The following FYN variants were observed in gnomAD, a reference collection of about 807,000 sequenced individuals.
FYN encodes the protein FYN proto-oncogene, Src family tyrosine kinase.
Under a neutral mutation model 70.2 loss-of-function variants are expected in FYN, and 10 were observed. The ratio of observed to expected loss-of-function variants is 0.14; its 90% CI spans 0.09 to 0.24. FYN has a LOEUF of 0.24. Among genes scored for constraint, FYN ranks in the 10% least tolerant of loss-of-function variants. FYN has a pLI of 1.00. For synonymous variants in FYN, 236 were observed against 248.6 expected (o/e 0.95, Z 0.48); for missense variants, 319 against 673.1 (o/e 0.47, Z 5.82).
rs142125198 is a variant in FYN at position 111,767,182 on chromosome 6, T to C, written c.-12+13384A>G. On this transcript the variant is annotated intron_variant, in intron 3 of 13. Coordinates refer to ENST00000354650, the MANE Select transcript of FYN (RefSeq NM_002037.5). Reference sequence around the variant, plus strand: ...TTAAATGACAAAGTAAGTCATGCTATGATCATTTGATCTTTTGACATAGCT... The same window carrying C: ...TTAAATGACAAAGTAAGTCATGCTACGATCATTTGATCTTTTGACATAGCT... Among the ~76,000 whole-genome samples the C allele has an allele frequency of 1.5e-3, 224 of 152,326 alleles. 2 individuals are homozygous for C. Among genetic ancestry groups the C allele is most frequent in the African/African-American group, 5.2e-3 (216 of 41,560 alleles).
intron 9 of FYN, 144 bp downstream of exon 9, chr6:111,699,960 C>G (rs1583326489): frequency 1.1e-5 from 4 of 369,628 alleles, no homozygotes; most frequent in Non-Finnish European, 1.8e-5. Flanking sequence ...AATGTTAAAA[C>G]CAAAACTGAA....
intron 3 of FYN, among the ~76,000 whole-genome samples, chr6:111,736,721 C>G (rs567639088): frequency 6.6e-6 from 1 of 152,298 alleles, no homozygotes; most frequent in South Asian, 2.1e-4. Flanking sequence ...GTACAACCAG[C>G]CTACACATTC....
intron 3 of FYN, among the ~76,000 whole-genome samples, chr6:111,720,739 C>T (rs542036642): frequency 1.8e-4 from 28 of 152,238 alleles, no homozygotes; most frequent in Non-Finnish European, 2.9e-4. Flanking sequence ...CTTAAAGCTG[C>T]TAATTAACTT....
intron 1 of FYN, among the ~76,000 whole-genome samples, chr6:111,866,488 T>G (rs748737873): frequency 2.0e-5 from 3 of 152,222 alleles, no homozygotes; most frequent in Non-Finnish European, 4.4e-5. Context: ...ATTACAGGCC[T>G]GTGCCACCAC....
intron 13 of FYN, among the ~76,000 whole-genome samples, chr6:111,667,809 C>G (rs1798077652): frequency 6.6e-6 from 1 of 152,232 alleles, no homozygotes; most frequent in Non-Finnish European, 1.5e-5. Context: ...ATATGGATCT[C>G]AGATGGGCCA....
At chr6:111,699,938 T>TTTA (rs1323372411) in intron 9 of FYN, 166 bp downstream of exon 9, 1 of 435,924 alleles carries the variant, frequency 2.3e-6, no homozygotes, top group East Asian at 4.7e-5. Context: ...TTTTTTTTTT[T>TTTA]AGGAATTCCA....
At chr6:111,797,662 TTTCA>T (rs1379091447) in intron 2 of FYN, among the ~76,000 whole-genome samples, 1 of 95,810 alleles carries the variant, frequency 1.0e-5, no homozygotes, top group Non-Finnish European at 2.2e-5. Flanking sequence ...AAAATCAAAG[TTTCA>T]TATATATATA....
chr6:111,747,331 T>G (rs1229883457), intron 3 of FYN, among the ~76,000 whole-genome samples: 1 of 152,222 alleles, frequency 6.6e-6, no homozygotes, highest in Non-Finnish European at 1.5e-5. Flanking sequence ...CTGAAAGGGC[T>G]TATTAAGCAG....
intron 3 of FYN, among the ~76,000 whole-genome samples, chr6:111,771,124 CA>C (rs967709936): frequency 6.6e-5 from 10 of 152,166 alleles, no homozygotes; most frequent in African/African-American, 2.2e-4. Context: ...GTAGAATGAC[CA>C]ACAGAGATCT....
At chr6:111,764,547 C>T (rs1467769950) in intron 3 of FYN, among the ~76,000 whole-genome samples, 3 of 152,162 alleles carry the variant, frequency 2.0e-5, no homozygotes, top group Non-Finnish European at 2.9e-5. Context: ...AAAGCTTGTG[C>T]CTCTAGCTAA....
chr6:111,740,737 T>C (rs1801923720), intron 3 of FYN, among the ~76,000 whole-genome samples: 1 of 152,220 alleles, frequency 6.6e-6, no homozygotes, highest in South Asian at 2.1e-4. Flanking sequence ...CACTCTGCTC[T>C]GTTTTACTTC....
intron 6 of FYN, among the ~76,000 whole-genome samples, chr6:111,705,774 G>C (rs956329938): frequency 8.5e-5 from 13 of 152,246 alleles, no homozygotes; most frequent in African/African-American, 3.1e-4. Flanking sequence ...GCTTGAACCA[G>C]GGATGTGGAG....
At chr6:111,729,565 G>A (rs1337500137) in intron 3 of FYN, among the ~76,000 whole-genome samples, 1 of 151,872 alleles carries the variant, frequency 6.6e-6, no homozygotes, top group Non-Finnish European at 1.5e-5. Context: ...ACATGAAGAG[G>A]TTCTATGAAG....
intron 2 of FYN, among the ~76,000 whole-genome samples, chr6:111,798,797 T>C (rs939521691): frequency 1.3e-5 from 2 of 152,202 alleles, no homozygotes; most frequent in Admixed American, 1.3e-4. Context: ...TCTGGGCTTG[T>C]TTTTATCTAT....
chr6:111,805,576 C>G (rs900401639), intron 2 of FYN, among the ~76,000 whole-genome samples: 16 of 152,132 alleles, frequency 1.1e-4, no homozygotes, highest in African/African-American at 3.9e-4. Context: ...TGCCCTCCTA[C>G]ACTGGCCCCC....
At chr6:111,684,004 C>T (rs756447768) in intron 12 of FYN, among the ~76,000 whole-genome samples, 1 of 152,192 alleles carries the variant, frequency 6.6e-6, no homozygotes, top group South Asian at 2.1e-4. Flanking sequence ...CAGTTATCCC[C>T]GGTGACGCAC....
chr6:111,734,257 G>C (rs960797886), intron 3 of FYN, among the ~76,000 whole-genome samples: 9 of 152,126 alleles, frequency 5.9e-5, no homozygotes, highest in African/African-American at 2.2e-4. Context: ...CTGAACCTCA[G>C]GAATTATGAG....
At chr6:111,701,692 T>C (rs1314564755) in intron 8 of FYN, among the ~76,000 whole-genome samples, 1 of 152,232 alleles carries the variant, frequency 6.6e-6, no homozygotes, top group Non-Finnish European at 1.5e-5. Flanking sequence ...CCTGCTGATG[T>C]TTGGCTGTAA....
chr6:111,720,243 C>A (rs1157471476), intron 3 of FYN, among the ~76,000 whole-genome samples, 181 bp from the exon 4 acceptor site: 1 of 152,140 alleles, frequency 6.6e-6, no homozygotes, highest in African/African-American at 2.4e-5. Flanking sequence ...CTTGACCCCA[C>A]AATCGCATTT....
Sources: gnomAD v4.1 joint callset for allele counts (sites outside exome capture counted in the v4.1 genomes callset) on GRCh38, gnomAD v4.1.1 for gene constraint, MANE v1.5 for transcripts, NCBI Gene and HGNC (gene_info 2026-07-23, HGNC 2026-07-21) for gene names.